The following ARHGAP32 variants were observed in gnomAD, a reference collection of about 807,000 sequenced individuals.
ARHGAP32 encodes the protein Rho GTPase activating protein 32.
A neutral mutation model predicts 186.5 loss-of-function variants in ARHGAP32; 51 were observed. The observed-to-expected ratio is 0.27, with a 90% confidence interval of 0.22 to 0.35. ARHGAP32 has a LOEUF of 0.35. ARHGAP32 is among the 10% of genes least tolerant of loss of function. The probability of loss-of-function intolerance (pLI) is 1.00; values close to 1 mark genes in which losing one functional copy is unlikely to be tolerated. For missense variants in ARHGAP32, 2,186 were observed against 2,623.5 expected (o/e 0.83, Z 3.64); for synonymous variants, 950 against 964.3 (o/e 0.99, Z 0.27).
chr11:129,156,144 C>T (rs767124008), intron 2 of ARHGAP32, among the ~76,000 whole-genome samples: 11 of 152,218 alleles, frequency 7.2e-5, no homozygotes, highest in Non-Finnish European at 1.6e-4. Context: ...ACCCTGGTTT[C>T]AAGCACAAAA....
At chr11:129,157,195 C>A (rs1159021091) in intron 2 of ARHGAP32, among the ~76,000 whole-genome samples, 3 of 152,006 alleles carry the variant, frequency 2.0e-5, no homozygotes, top group Non-Finnish European at 4.4e-5. Flanking sequence ...CAACTCCTTG[C>A]CAGCAAGGGA....
At chr11:129,079,732 A>C (rs138851470) in intron 6 of ARHGAP32, among the ~76,000 whole-genome samples, 35 of 152,312 alleles carry the variant, frequency 2.3e-4, no homozygotes, top group Middle Eastern at 3.4e-3. Context: ...AGCATGAAGA[A>C]TAGAATAGTA....
chr11:129,254,120 C>T (rs1945223523), intron 1 of ARHGAP32, among the ~76,000 whole-genome samples: 1 of 151,954 alleles, frequency 6.6e-6, no homozygotes, highest in East Asian at 1.9e-4. Flanking sequence ...AAATATTTGA[C>T]AAGCATGACC....
intron 1 of ARHGAP32, among the ~76,000 whole-genome samples, chr11:129,246,929 G>C (rs886759351): frequency 6.6e-6 from 1 of 152,108 alleles, no homozygotes; most frequent in Admixed American, 6.5e-5. Context: ...CAGTGTTTCA[G>C]TTTGGAACCT....
intron 11 of ARHGAP32, among the ~76,000 whole-genome samples, chr11:129,025,417 G>T (rs1271006838): frequency 6.6e-6 from 1 of 152,172 alleles, no homozygotes; most frequent in Non-Finnish European, 1.5e-5. Context: ...AAATAAGAAA[G>T]ATCATAGAGA....
intron 1 of ARHGAP32, among the ~76,000 whole-genome samples, chr11:129,228,454 C>G (rs1944813962): frequency 1.3e-5 from 2 of 151,842 alleles, no homozygotes; most frequent in South Asian, 4.2e-4. Flanking sequence ...ATTGATTCTT[C>G]CTTTTAAAAG....
At chr11:129,164,560 C>G (rs1381697814) in intron 1 of ARHGAP32, 133 bp from the exon 2 acceptor site, 1 of 582,912 alleles carries the variant, frequency 1.7e-6, no homozygotes, top group Non-Finnish European at 3.0e-6. Flanking sequence ...AACTGAATAG[C>G]AGTGATCCTT....
chr11:129,022,610 T>C (rs2134902558), intron 11 of ARHGAP32, among the ~76,000 whole-genome samples: 1 of 152,308 alleles, frequency 6.6e-6, no homozygotes, highest in East Asian at 1.9e-4. Context: ...CTATGATGCT[T>C]ACATGAAGTG....
intron 1 of ARHGAP32, among the ~76,000 whole-genome samples, chr11:129,185,790 G>A (rs952855468): frequency 6.6e-6 from 1 of 151,664 alleles, no homozygotes; most frequent in African/African-American, 2.4e-5. Flanking sequence ...GGAGAAGAGA[G>A]AACCATGATT....
chr11:129,062,434 G>T, intron 9 of ARHGAP32, 77 bp from the exon 10 acceptor site: 1 of 1,236,550 alleles, frequency 8.1e-7, no homozygotes, highest in Non-Finnish European at 1.2e-6. Context: ...ATTTAAATCC[G>T]AACTGTATGA....
In ARHGAP32 at chr11:128,973,623, C is replaced by CA. The variant is rs1274368105; in HGVS notation, c.3074-192dup. 7.9e-6 allele frequency: 5 copies of CA among 632,112 alleles called. No individual in the cohort carries two copies. The East Asian group carries it at 1.4e-4, about 17-fold the overall frequency. The allele number at this position is 632,112 out of a possible 1,614,324, so 39.2% of individuals were successfully genotyped here. A position where few individuals can be genotyped will look rare whatever the true frequency, so the allele number is the denominator to read the frequency against. On this transcript the variant is annotated intron_variant, in intron 21 of 22. Coordinates refer to ENST00000682385, the MANE Select transcript of ARHGAP32 (RefSeq NM_001378024.1). ...ATCTGGTTCAGAAGGAAAACTAAAA[C>CA]AAACAGTGTATAAAGACTGCAATCT... is the stretch of plus-strand genomic sequence containing the variant.
At chr11:129,044,281 T>G (rs955577653) in intron 10 of ARHGAP32, among the ~76,000 whole-genome samples, 3 of 152,218 alleles carry the variant, frequency 2.0e-5, no homozygotes, top group Non-Finnish European at 4.4e-5. Context: ...ATGCATTGAT[T>G]TGTTAACTAA....
chr11:129,235,085 T>C (rs540823903), intron 1 of ARHGAP32, among the ~76,000 whole-genome samples: 1 of 152,268 alleles, frequency 6.6e-6, no homozygotes, highest in African/African-American at 2.4e-5. Context: ...TAATTATCCT[T>C]ATAAGAGACA....
chr11:129,164,271 T>G, intron 2 of ARHGAP32, 48 bp downstream of exon 2: 1 of 1,146,452 alleles, frequency 8.7e-7, no homozygotes, highest in South Asian at 1.5e-5. Context: ...ATAAGTGCTA[T>G]ATATACATAT....
intron 2 of ARHGAP32, among the ~76,000 whole-genome samples, chr11:129,157,674 G>A (rs112307833): frequency 0.29 from 43,546 of 151,990 alleles, 6,576 homozygotes; most frequent in Middle Eastern, 0.4. Context: ...TTATCCAGGA[G>A]AACTTCCCCA....
chr11:129,168,875 A>G (rs1366750921), intron 1 of ARHGAP32, among the ~76,000 whole-genome samples: 1 of 152,196 alleles, frequency 6.6e-6, no homozygotes, highest in Non-Finnish European at 1.5e-5. Flanking sequence ...ATTCCTCTAA[A>G]TGTTTGGAAA....
intron 10 of ARHGAP32, among the ~76,000 whole-genome samples, chr11:129,048,327 T>C (rs1939896296): frequency 6.6e-6 from 1 of 152,064 alleles, no homozygotes; most frequent in Admixed American, 6.5e-5. Context: ...GAGTGTAGAA[T>C]AAGAAGGCAG....
chr11:129,212,243 A>G (rs374486272), intron 1 of ARHGAP32, among the ~76,000 whole-genome samples: 3 of 152,158 alleles, frequency 2.0e-5, no homozygotes, highest in East Asian at 1.9e-4. Context: ...TCAAATATGG[A>G]AGGTCTGTTC....
chr11:129,094,234 A>G (rs1409295217), intron 5 of ARHGAP32, among the ~76,000 whole-genome samples: 1 of 152,186 alleles, frequency 6.6e-6, no homozygotes, highest in African/African-American at 2.4e-5. Flanking sequence ...GTATAACTAG[A>G]TTGTCTGTAA....
Sources: allele counts gnomAD v4.1 joint callset (sites outside exome capture counted in the v4.1 genomes callset), GRCh38; gene constraint gnomAD v4.1.1; transcripts MANE v1.5; gene names NCBI Gene and HGNC (gene_info 2026-07-23, HGNC 2026-07-21).